The following RYR2 variants were observed in gnomAD, a reference collection of about 807,000 sequenced individuals.
RYR2 encodes the protein cardiac muscle ryanodine receptor-calcium release channel.
A neutral mutation model predicts 601.1 loss-of-function variants in RYR2; 227 were observed. The observed-to-expected ratio is 0.38, with a 90% confidence interval of 0.34 to 0.42. The LOEUF (loss-of-function observed/expected upper bound fraction) is 0.42, where lower values mean the gene tolerates loss of function less well. Among genes scored for constraint, RYR2 ranks in the 10% least tolerant of loss-of-function variants. The pLI is 1.00. For missense variants in RYR2, 4,646 were observed against 6,156.5 expected, an observed-to-expected ratio of 0.75 and a Z score of 8.21; for synonymous variants, 2,223 against 2,175.1, an observed-to-expected ratio of 1.02 and a Z score of -0.61.
intron 29 of RYR2, among the ~76,000 whole-genome samples, chr1:237,589,485 A>G (rs1674908567): frequency 6.6e-6 from 1 of 152,146 alleles, no homozygotes; most frequent in South Asian, 2.1e-4. Flanking sequence ...CAGGGCGGGG[A>G]TCTCTAGAAT....
At chr1:237,174,888 G>T (rs1390030998) in intron 1 of RYR2, among the ~76,000 whole-genome samples, 1 of 152,152 alleles carries the variant, frequency 6.6e-6, no homozygotes, top group East Asian at 1.9e-4. Flanking sequence ...TAACAAAAAA[G>T]TCCCTGATTT....
At chr1:237,787,530 T>TG (rs772916902) in intron 91 of RYR2, among the ~76,000 whole-genome samples, 85 of 147,670 alleles carry the variant, frequency 5.8e-4, no homozygotes, top group East Asian at 6.1e-4. Context: ...AGCTGGAGGT[T>TG]GCAGTGAGCT....
intron 1 of RYR2, among the ~76,000 whole-genome samples, chr1:237,171,349 A>G (rs1456260226): frequency 6.6e-6 from 1 of 152,146 alleles, no homozygotes; most frequent in African/African-American, 2.4e-5. Flanking sequence ...ATTGATACAG[A>G]TACTGATGTT....
chr1:237,681,770 A>G (rs940532182), intron 62 of RYR2, among the ~76,000 whole-genome samples: 1 of 152,094 alleles, frequency 6.6e-6, no homozygotes, highest in African/African-American at 2.4e-5. Context: ...CTCCTCCCTC[A>G]TCATTTCATA....
chr1:237,674,520 A>G (rs1685226177), intron 59 of RYR2, among the ~76,000 whole-genome samples: 1 of 152,150 alleles, frequency 6.6e-6, no homozygotes, highest in South Asian at 2.1e-4. Flanking sequence ...AGAGTCACTC[A>G]CTGAAGCTTT....
rs1426565026 is a variant in RYR2, at chr1:237,634,893, C to G, written c.6693C>G (p.Ser2231=). 3 of 1,603,708 alleles carry G rather than the reference C, an allele frequency of 1.9e-6. No homozygotes were observed. Among genetic ancestry groups the G allele is most frequent in the Admixed American group, 1.7e-5 (1 of 58,804 alleles). Residue 2231 remains serine (S), a synonymous_variant, in exon 44 of 105, where the codon TCC becomes TCG. Coordinates refer to ENST00000366574, the MANE Select transcript of RYR2 (RefSeq NM_001035.3). ...CATCTTCATTTGAATTAATAGCCTC[C>G]CCAGCTATGAGAGGTTCAACACCAC... is the stretch of plus-strand genomic sequence containing the variant. ...LLENSSVGLA[S]PAMRGSTPLD... is the part of the protein sequence containing the mutation.
chr1:237,245,228 A>AAAAAGAGAT lies in RYR2; in HGVS notation c.49-25267_49-25259dup, dbSNP rs1356611304. On this transcript the variant is annotated intron_variant, in intron 1 of 104. Coordinates refer to ENST00000366574, the MANE Select transcript of RYR2 (RefSeq NM_001035.3). ...GGAAGCTCTGTCTTTGGAAAAAAAA[A>AAAAAGAGAT]AAAAGAGATAGCTAAGATAGCTTGT... 7.2e-5 allele frequency among the ~76,000 whole-genome samples: 11 copies of AAAAAGAGAT among 152,090 alleles called. No homozygotes were observed. In the East Asian group the frequency reaches 2.1e-3, roughly 30 times the overall value.
intron 44 of RYR2, among the ~76,000 whole-genome samples, chr1:237,637,272 A>C (rs950094592): frequency 2.6e-5 from 4 of 152,246 alleles, no homozygotes; most frequent in Admixed American, 6.5e-5. Context: ...GATATAACTC[A>C]ATTTGCTTGA....
chr1:237,690,956 G>A (rs1458211958), intron 63 of RYR2, among the ~76,000 whole-genome samples: 1 of 152,128 alleles, frequency 6.6e-6, no homozygotes, highest in Non-Finnish European at 1.5e-5. Context: ...CAAACAGAGA[G>A]ACCCAGTAGC....
intron 87 of RYR2, among the ~76,000 whole-genome samples, chr1:237,774,131 G>A (rs944421850): frequency 6.6e-6 from 1 of 152,024 alleles, no homozygotes; most frequent in Admixed American, 6.6e-5. Flanking sequence ...CTTGGACTAA[G>A]CTTCTAGCCT....
chr1:237,370,984 A>G (rs1413435102), intron 6 of RYR2, among the ~76,000 whole-genome samples: 1 of 152,026 alleles, frequency 6.6e-6, no homozygotes, highest in Admixed American at 6.6e-5. Flanking sequence ...TAAGAGCTTT[A>G]TTAAATTATA....
At chr1:237,569,077 A>C (rs1225304870) in intron 28 of RYR2, 68 bp from the exon 29 acceptor site, 9 of 1,444,840 alleles carry the variant, frequency 6.2e-6, no homozygotes, top group Non-Finnish European at 8.5e-6. Flanking sequence ...AGGTCGTGAC[A>C]GAGTGGTGGG....
chr1:237,435,334 C>T (rs1331066833), intron 12 of RYR2, among the ~76,000 whole-genome samples: 3 of 152,204 alleles, frequency 2.0e-5, no homozygotes, highest in East Asian at 3.9e-4. Context: ...GAGGCTTAGA[C>T]AAGTTATGTG....
intron 34 of RYR2, among the ~76,000 whole-genome samples, chr1:237,601,543 C>A (rs1573049167): frequency 2.6e-5 from 4 of 152,048 alleles, no homozygotes; most frequent in African/African-American, 9.6e-5. Flanking sequence ...CTATAGTCAA[C>A]CATCAGGTAT....
intron 86 of RYR2, among the ~76,000 whole-genome samples, chr1:237,772,571 T>C (rs1694354534): frequency 6.6e-6 from 1 of 152,366 alleles, no homozygotes; most frequent in South Asian, 2.1e-4. Flanking sequence ...CTTAAAAATC[T>C]CTGATATTGT....
intron 30 of RYR2, 36 bp from the exon 31 acceptor site, chr1:237,590,604 G>T: frequency 6.8e-7 from 1 of 1,462,874 alleles, no homozygotes. Context: ...TGACAATGGT[G>T]ATTGGAATGT....
At chr1:237,166,117 A>C (rs1331622943) in intron 1 of RYR2, among the ~76,000 whole-genome samples, 1 of 152,208 alleles carries the variant, frequency 6.6e-6, no homozygotes, top group Non-Finnish European at 1.5e-5. Flanking sequence ...TCAGGCCACC[A>C]CTGGGTGTTT....
At chr1:237,625,419 T>G (rs1350512087) in intron 39 of RYR2, among the ~76,000 whole-genome samples, 2 of 152,110 alleles carry the variant, frequency 1.3e-5, no homozygotes, top group African/African-American at 2.4e-5. Flanking sequence ...TACTCAGTGT[T>G]ATATTTTGTT....
intron 48 of RYR2, among the ~76,000 whole-genome samples, chr1:237,645,782 TTGTG>T (rs368945111): frequency 2.0e-5 from 3 of 152,182 alleles, no homozygotes; most frequent in Admixed American, 6.5e-5. Context: ...TCACAGTGGT[TTGTG>T]TGTGTGTTTG....
Sources: allele counts gnomAD v4.1 joint callset (sites outside exome capture counted in the v4.1 genomes callset), GRCh38; gene constraint gnomAD v4.1.1; transcripts MANE v1.5; gene names NCBI Gene and HGNC (gene_info 2026-07-23, HGNC 2026-07-21).